SNRNP70: variants seen among roughly 807,000 people sequenced by gnomAD.
The protein encoded by SNRNP70 is small nuclear ribonucleoprotein U1 subunit 70.
In SNRNP70, 8 loss-of-function variants were observed where a neutral mutation model predicts 50.5. The ratio of observed to expected loss-of-function variants is 0.16; its 90% confidence interval spans 0.09 to 0.29. SNRNP70 has a LOEUF of 0.29. Among genes scored for constraint, SNRNP70 ranks in the 10% least tolerant of loss-of-function variants. SNRNP70 has a pLI of 1.00. For synonymous variants in SNRNP70, 320 were observed against 252.9 expected, an observed-to-expected ratio of 1.27 and a Z score of -2.52; for missense variants, 529 against 663.5, an observed-to-expected ratio of 0.80 and a Z score of 2.23.
At chr19:49,102,360 C>T (rs2040599400) in intron 7 of SNRNP70, 1 of 323,790 alleles carries the variant, frequency 3.1e-6, no homozygotes. Flanking sequence ...TCCGTATGCT[C>T]TCTGAGAATC....
chr19:49,088,840 G>A (rs2040414552), intron 2 of SNRNP70, among the ~76,000 whole-genome samples: 1 of 152,130 alleles, frequency 6.6e-6, no homozygotes, highest in Admixed American at 6.6e-5. Context: ...TTTAAGAGCT[G>A]CCTTGGCCCT....
chr19:49,105,644 T>G (rs1236585415), intron 8 of SNRNP70, among the ~76,000 whole-genome samples: 1 of 151,808 alleles, frequency 6.6e-6, no homozygotes, highest in African/African-American at 2.4e-5. Context: ...GAGAATTGCT[T>G]AAACCTGGGA....
At chr19:49,105,330 C>T (rs1277322276) in intron 8 of SNRNP70, among the ~76,000 whole-genome samples, 1 of 152,104 alleles carries the variant, frequency 6.6e-6, no homozygotes, top group Non-Finnish European at 1.5e-5. Context: ...CTTGAGCTTC[C>T]TGAAACATAA....
At chr19:49,091,264 G>A (rs1486937756) in intron 4 of SNRNP70, among the ~76,000 whole-genome samples, 1 of 151,476 alleles carries the variant, frequency 6.6e-6, no homozygotes, top group African/African-American at 2.4e-5. Context: ...AGCTACTCGG[G>A]AGACTGAGGC....
At position 49,104,317 on chromosome 19, in the gene SNRNP70, G is replaced by A. The variant is rs1019958593; in HGVS notation, c.476-317G>A. ...CAGTTTCTTTGCAGCGATTTTGGCC[G>A]CCCTGGCGGGAGGGGGCTGTTCCAT... On this transcript the variant is annotated intron_variant, in intron 7 of 9. Transcript: ENST00000598441. This position sits in a 1 kb window ranked among gnomAD's most constrained non-coding sequence, Gnocchi z 5.4. 2.3e-5 allele frequency: 7 copies of A among 309,098 alleles called. No individual in the cohort carries two copies. Among genetic ancestry groups the A allele is most frequent in the South Asian group, 9.3e-5 (2 of 21,466 alleles). 19.1% of individuals were successfully genotyped at this position (309,098 alleles called of 1,614,324 possible). A position where few individuals can be genotyped will look rare whatever the true frequency, so the allele number is the denominator to read the frequency against.
At chr19:49,092,266 G>A (rs993720342) in intron 4 of SNRNP70, among the ~76,000 whole-genome samples, 3 of 151,588 alleles carry the variant, frequency 2.0e-5, no homozygotes, top group Non-Finnish European at 2.9e-5. Flanking sequence ...GCGTCACCAC[G>A]CCCAGCTAAT....
chr19:49,093,264 T>G (rs1448955735), intron 4 of SNRNP70, among the ~76,000 whole-genome samples: 2 of 151,802 alleles, frequency 1.3e-5, no homozygotes, highest in African/African-American at 4.8e-5. Flanking sequence ...TAATTTTGTA[T>G]TTTTAGAGAC....
At chr19:49,088,623 A>G (rs1196749753) in intron 2 of SNRNP70, among the ~76,000 whole-genome samples, 5 of 150,480 alleles carry the variant, frequency 3.3e-5, no homozygotes, top group Non-Finnish European at 7.4e-5. Context: ...CAGCCTCCTG[A>G]GTAGCTGGGA....
chr19:49,089,700 T>G, intron 2 of SNRNP70, among the ~76,000 whole-genome samples: 1 of 142,088 alleles, frequency 7.0e-6, no homozygotes, highest in Non-Finnish European at 1.5e-5. Flanking sequence ...TCTTGCTCTG[T>G]TGTGCAGGCT....
chr19:49,086,322 C>T (rs1600267676), intron 1 of SNRNP70, 83 bp from the exon 2 acceptor site: 7 of 1,439,140 alleles, frequency 4.9e-6, no homozygotes, highest in African/African-American at 4.3e-5. Flanking sequence ...TCCTGTCTTT[C>T]TTATTTTGAG....
Position 49,108,267 on chromosome 19 carries a change from C to T in SNRNP70, c.1138C>T (p.Arg380Trp), listed in dbSNP as rs938576730. Residue 380 changes from arginine to tryptophan, a missense_variant, in exon 10 of 10, where the codon CGG becomes TGG. Physicochemically the swap from Arg to Trp is moderately radical, Grantham distance 101. Coordinates refer to ENST00000598441, the MANE Select transcript of SNRNP70 (RefSeq NM_003089.6). ...CCGTGACCGTGACCGCGAGCACAAACGGGGGGAGCGGGGCAGTGAGCGGGG... is the reference window on the plus strand; with the variant it reads ...CCGTGACCGTGACCGCGAGCACAAATGGGGGGAGCGGGGCAGTGAGCGGGG... ...RDRDRDREHK[R>W]GERGSERGRD... 3 of 1,553,812 alleles carry T rather than the reference C, an allele frequency of 1.9e-6. No individual in the cohort carries two copies. The highest frequency in any genetic ancestry group is 2.6e-6 in the Non-Finnish European group (3 of 1,149,816).
chr19:49,085,750 C>T, intron 1 of SNRNP70, 114 bp downstream of exon 1: 1 of 428,896 alleles, frequency 2.3e-6, no homozygotes, highest in South Asian at 1.6e-5. Context: ...GTCCCCGCCA[C>T]AGGTCCCTTC....
rs1226197953 is a variant in SNRNP70 at position 49,107,857 on chromosome 19, A to C, written c.728A>C (p.Glu243Ala). Reference sequence around the variant, plus strand: ...CGGGACCGTGAGCGGGAGCGCAGAGAGCGGAGCCGGGAGCGAGACAAGGAG... The same window carrying C: ...CGGGACCGTGAGCGGGAGCGCAGAGCGCGGAGCCGGGAGCGAGACAAGGAG... ...RDRDRERERR[E>A]RSRERDKERE... Residue 243 changes from glutamate (E) to alanine (A), a missense_variant, in exon 10 of 10, where the codon GAG (glutamate) becomes GCG (alanine). This residue lies in a region of SNRNP70 where 53 missense variants were observed against 78.6 expected (regional missense o/e 0.67). Transcript: ENST00000598441. The surrounding 1 kb of genome is among the most constrained non-coding windows in gnomAD (Gnocchi z 6.0). 2 of 1,561,326 alleles carry C rather than the reference A, an allele frequency of 1.3e-6. No homozygotes were observed. Among genetic ancestry groups the C allele is most frequent in the South Asian group, 1.2e-5 (1 of 85,604 alleles).
At chr19:49,095,906 T>C (rs2040506703) in intron 4 of SNRNP70, among the ~76,000 whole-genome samples, 1 of 149,602 alleles carries the variant, frequency 6.7e-6, no homozygotes, top group African/African-American at 2.5e-5. Context: ...AAGAATTACT[T>C]ACTTACAAGA....
intron 4 of SNRNP70, among the ~76,000 whole-genome samples, chr19:49,091,621 ACT>A (rs570819003): frequency 1.8e-3 from 274 of 152,150 alleles, no homozygotes; most frequent in Middle Eastern, 0.01. Context: ...TCAGAACATG[ACT>A]CTAGTGAGAA....
At chr19:49,100,777 G>A (rs1363521213) in intron 6 of SNRNP70, among the ~76,000 whole-genome samples, 4 of 141,260 alleles carry the variant, frequency 2.8e-5, no homozygotes, top group Non-Finnish European at 4.5e-5. Flanking sequence ...TTGCACTCTA[G>A]CCTGGGCAAC....
chr19:49,101,947 G>A (rs994316103), intron 7 of SNRNP70, among the ~76,000 whole-genome samples: 6 of 151,894 alleles, frequency 4.0e-5, no homozygotes, highest in South Asian at 4.2e-4. Context: ...GTTCCTCAGC[G>A]GGCAGTGGGG....
Position 49,085,602 on chromosome 19 carries a change from C to T in SNRNP70, c.-45C>T, listed in dbSNP as rs753803027. The T allele has an allele frequency of 9.2e-5, 42 of 455,964 alleles. 1 individual carries two copies. Among genetic ancestry groups the T allele is most frequent in the South Asian group, 6.2e-4 (40 of 64,564 alleles). The allele number at this position is 455,964 out of a possible 1,614,324, so 28.2% of individuals were successfully genotyped here. A position where few individuals can be genotyped will look rare whatever the true frequency, so the allele number is the denominator to read the frequency against. The stretch of plus-strand genomic sequence containing the variant: ...GGGCTGCCGCAGCCGCCGCGAGCCT[C>T]CGGACAGACGCCAGAGCGAGGAGGG... On this transcript the variant is annotated 5_prime_UTR_variant, in exon 1 of 10. Coordinates refer to ENST00000598441, the MANE Select transcript of SNRNP70 (RefSeq NM_003089.6).
intron 4 of SNRNP70, chr19:49,090,767 G>A: frequency 1.8e-6 from 1 of 553,908 alleles, no homozygotes; most frequent in Non-Finnish European, 3.3e-6. Context: ...CTGCATGGGA[G>A]GACAGTTAAG....
Sources: gnomAD v4.1 joint callset for allele counts (sites outside exome capture counted in the v4.1 genomes callset) on GRCh38, gnomAD v4.1.1 for gene constraint, gnomAD v4.1.1 regional missense constraint, Gnocchi (gnomAD v3.1) non-coding constraint, MANE v1.5 for transcripts, NCBI Gene and HGNC (gene_info 2026-07-23, HGNC 2026-07-21) for gene names.